WDR25: variants seen among roughly 807,000 people sequenced by gnomAD.
WDR25 encodes the protein WD repeat-containing protein 25.
Under a neutral mutation model 47.7 loss-of-function variants are expected in WDR25, and 35 were observed. The ratio of observed to expected loss-of-function variants is 0.73; its 90% CI spans 0.56 to 0.97. The LOEUF is 0.97. Among genes scored for constraint, WDR25 ranks in the 50% least tolerant of loss-of-function variants. The pLI is 0.00. For synonymous variants in WDR25, 248 were observed against 278.9 expected (o/e 0.89, Z 1.10); for missense variants, 634 against 704.7 (o/e 0.90, Z 1.14).
At chr14:100,516,633 C>T (rs145413956) in intron 4 of WDR25, among the ~76,000 whole-genome samples, 168 of 152,200 alleles carry the variant, frequency 1.1e-3, no homozygotes, top group African/African-American at 3.8e-3. Context: ...TTATTCCTGG[C>T]GGTTTTCCTT....
intron 2 of WDR25, among the ~76,000 whole-genome samples, chr14:100,402,750 T>G (rs1897417174): frequency 6.6e-6 from 1 of 152,166 alleles, no homozygotes; most frequent in Non-Finnish European, 1.5e-5. Context: ...GTAGTTGAAA[T>G]GAGCATTCAT....
At position 100,430,190 on chromosome 14, in the gene WDR25, G is replaced by A. The variant is rs1037179216; in HGVS notation, c.823-37831G>A. Reference sequence around the variant, plus strand: ...TGTGTGTGTGTGTGTGTGTGTTCCCGGGAAGGCACATCCTAAGCTTGGCCT... The same window carrying A: ...TGTGTGTGTGTGTGTGTGTGTTCCCAGGAAGGCACATCCTAAGCTTGGCCT... On this transcript the variant is annotated intron_variant, in intron 2 of 6. Coordinates refer to ENST00000402312, the MANE Select transcript of WDR25 (RefSeq NM_001161476.3). The surrounding 1 kb of genome is among the most constrained non-coding windows in gnomAD (Gnocchi z 4.7). Among the ~76,000 whole-genome samples the A allele has an allele frequency of 6.7e-5, 10 of 148,360 alleles. No homozygotes were observed. The highest frequency in any genetic ancestry group is 2.5e-4 in the African/African-American group (10 of 39,410).
chr14:100,479,621 A>T (rs1451423462), intron 3 of WDR25, among the ~76,000 whole-genome samples: 1 of 152,228 alleles, frequency 6.6e-6, no homozygotes, highest in Non-Finnish European at 1.5e-5. Context: ...CAAATCTGTT[A>T]GTATAATTTA....
At chr14:100,395,445 G>A (rs532005671) in intron 2 of WDR25, among the ~76,000 whole-genome samples, 30 of 152,170 alleles carry the variant, frequency 2.0e-4, no homozygotes, top group Non-Finnish European at 3.5e-4. Flanking sequence ...ATCAGCATCC[G>A]TATGCCCCCT....
In WDR25 at chr14:100,449,704, A is replaced by G. The variant is rs1595099743; in HGVS notation, c.823-18317A>G. On this transcript the variant is annotated intron_variant, in intron 2 of 6. Coordinates refer to ENST00000402312, the MANE Select transcript of WDR25 (RefSeq NM_001161476.3). This position sits in a 1 kb window ranked among gnomAD's most constrained non-coding sequence, Gnocchi z 4.2. ...AGCATCCCTGAGTCCCTGCACGTGC[A>G]TGAAGCAGACAGAGTGATTTTAACG... Among the ~76,000 whole-genome samples the G allele has an allele frequency of 6.6e-6, 1 of 152,226 alleles. No homozygotes were observed. The highest frequency in any genetic ancestry group is 1.9e-4 in the East Asian group (1 of 5,200).
chr14:100,458,347 G>A (rs1014349922), intron 2 of WDR25, among the ~76,000 whole-genome samples: 1 of 152,172 alleles, frequency 6.6e-6, no homozygotes, highest in African/African-American at 2.4e-5. Context: ...TGTAATGTCA[G>A]CTGCTTAAAC....
intron 2 of WDR25, among the ~76,000 whole-genome samples, chr14:100,402,643 G>A (rs748874101): frequency 7.2e-5 from 11 of 152,128 alleles, no homozygotes; most frequent in Non-Finnish European, 1.5e-4. Flanking sequence ...GTTCTCTGAG[G>A]CCCTTTTAAG....
At chr14:100,414,982 G>A (rs1283031831) in intron 2 of WDR25, among the ~76,000 whole-genome samples, 1 of 152,056 alleles carries the variant, frequency 6.6e-6, no homozygotes, top group Non-Finnish European at 1.5e-5. Flanking sequence ...GGTGAGAGCA[G>A]GGGGAGCAGC....
intron 5 of WDR25, among the ~76,000 whole-genome samples, chr14:100,527,948 G>A (rs2030265195): frequency 6.6e-6 from 1 of 152,180 alleles, no homozygotes. Flanking sequence ...GGTGCTTCCT[G>A]TCAATGAAGC....
At chr14:100,391,612 G>A (rs1465447275) in intron 2 of WDR25, among the ~76,000 whole-genome samples, 2 of 151,388 alleles carry the variant, frequency 1.3e-5, no homozygotes, top group Admixed American at 1.3e-4. Context: ...CCACCCAGAG[G>A]CAATGACTGC....
chr14:100,458,480 G>A (rs1038569250), intron 2 of WDR25, among the ~76,000 whole-genome samples: 21 of 152,034 alleles, frequency 1.4e-4, no homozygotes, highest in African/African-American at 4.1e-4. Context: ...TCAACACCCC[G>A]CTCTCAATAA....
chr14:100,444,559 CCCCAG>C (rs1289124859), intron 2 of WDR25, among the ~76,000 whole-genome samples: 211 of 152,186 alleles, frequency 1.4e-3, no homozygotes, highest in African/African-American at 5.0e-3. Flanking sequence ...TGGCCCCAGG[CCCCAG>C]GCCCCAGGCC....
chr14:100,413,415 CT>C (rs563468543), intron 2 of WDR25, among the ~76,000 whole-genome samples: 34,229 of 140,170 alleles, frequency 0.24, 4,374 homozygotes, highest in African/African-American at 0.39. Context: ...TTTGCCATTA[CT>C]TTTTTTTTTT....
intron 4 of WDR25, among the ~76,000 whole-genome samples, chr14:100,504,206 G>A (rs1217232017): frequency 6.6e-6 from 1 of 152,038 alleles, no homozygotes; most frequent in Non-Finnish European, 1.5e-5. Flanking sequence ...TAGTAATTTG[G>A]CAATAATTCC....
chr14:100,420,022 A>C (rs1427670363), intron 2 of WDR25, among the ~76,000 whole-genome samples: 1 of 152,222 alleles, frequency 6.6e-6, no homozygotes, highest in Non-Finnish European at 1.5e-5. Flanking sequence ...CTGGGAGTGA[A>C]CGGGTGCTCG....
intron 3 of WDR25, among the ~76,000 whole-genome samples, chr14:100,472,180 C>T (rs1595123977): frequency 1.3e-5 from 2 of 152,376 alleles, no homozygotes; most frequent in African/African-American, 4.8e-5. Context: ...TTGATGGCTG[C>T]AAAGGAGATT....
In WDR25 at chr14:100,529,339, C is replaced by G. The variant is rs570837175; in HGVS notation, c.1413+131C>G. On this transcript the variant is annotated intron_variant, in intron 6 of 6. Transcript: ENST00000402312. This position sits in a 1 kb window ranked among gnomAD's most constrained non-coding sequence, Gnocchi z 5.1. ...TCCTGCTTTCTGTTTCCTGGGTGAG[C>G]GCATGCCATGTGGCTCACTGTCTCT... 1 of 1,380,360 alleles carries G rather than the reference C, an allele frequency of 7.2e-7. No homozygotes were observed. Among genetic ancestry groups the G allele is most frequent in the South Asian group, 1.3e-5 (1 of 77,086 alleles). 85.5% of individuals were successfully genotyped at this position (1,380,360 alleles called of 1,614,324 possible). A position where few individuals can be genotyped will look rare whatever the true frequency, so the allele number is the denominator to read the frequency against.
At position 100,428,295 on chromosome 14, in the gene WDR25, G is replaced by T. The variant is rs1220777183; in HGVS notation, c.823-39726G>T. On this transcript the variant is annotated intron_variant, in intron 2 of 6. Coordinates refer to ENST00000402312, the MANE Select transcript of WDR25 (RefSeq NM_001161476.3). The surrounding 1 kb of genome is among the most constrained non-coding windows in gnomAD (Gnocchi z 4.3). ...GCAGTGAGTGTGGCCTGGGAGGCAGGTGGCCCTGTGGGGTGACTGAGCTGG... is the reference window on the plus strand; with the variant it reads ...GCAGTGAGTGTGGCCTGGGAGGCAGTTGGCCCTGTGGGGTGACTGAGCTGG... Among the ~76,000 whole-genome samples, 2 of 152,202 alleles carry T rather than the reference G, an allele frequency of 1.3e-5. No homozygotes were observed. Among genetic ancestry groups the T allele is most frequent in the African/African-American group, 4.8e-5 (2 of 41,446 alleles).
At chr14:100,475,577 A>T (rs536913239) in intron 3 of WDR25, among the ~76,000 whole-genome samples, 11 of 152,340 alleles carry the variant, frequency 7.2e-5, no homozygotes, top group African/African-American at 2.4e-4. Context: ...AAGCTAAAAA[A>T]GTTGATCTCG....
Sources: allele counts gnomAD v4.1 joint callset (sites outside exome capture counted in the v4.1 genomes callset), GRCh38; gene constraint gnomAD v4.1.1; non-coding constraint Gnocchi (gnomAD v3.1); transcripts MANE v1.5; gene names NCBI Gene and HGNC (gene_info 2026-07-23, HGNC 2026-07-21).